The following ELAPOR1 variants were observed in gnomAD, a reference collection of about 807,000 sequenced individuals.
ELAPOR1 encodes the protein endosome-lysosome associated apoptosis and autophagy regulator 1.
ELAPOR1 carries 77 observed loss-of-function variants against 119.7 expected under a neutral mutation model. That is an observed-to-expected ratio of 0.64 (90% CI 0.54 to 0.78). The LOEUF is 0.78. Among genes scored for constraint, ELAPOR1 ranks in the 30% least tolerant of loss-of-function variants. The probability of loss-of-function intolerance (pLI) is 0.00; values close to 1 mark genes in which losing one functional copy is unlikely to be tolerated. For synonymous variants in ELAPOR1, 481 were observed against 487.2 expected (o/e 0.99, Z 0.17); for missense variants, 1,115 against 1,270.4 (o/e 0.88, Z 1.86).
intron 1 of ELAPOR1, among the ~76,000 whole-genome samples, chr1:109,134,953 T>C (rs1434965719): frequency 6.6e-6 from 1 of 152,064 alleles, no homozygotes; most frequent in Non-Finnish European, 1.5e-5. Flanking sequence ...AATCATGGGA[T>C]CATGTAATTT....
chr1:109,119,199 ATTT>A (rs577249345), intron 1 of ELAPOR1, among the ~76,000 whole-genome samples: 2 of 119,624 alleles, frequency 1.7e-5, no homozygotes, highest in Non-Finnish European at 1.8e-5. Flanking sequence ...ACCTGGCCTA[ATTT>A]TTTTTTTTTT....
chr1:109,201,441 A>C, intron 21 of ELAPOR1: 1 of 443,324 alleles, frequency 2.3e-6, no homozygotes, highest in Non-Finnish European at 4.6e-6. Context: ...TTATAAATGC[A>C]ATACAGACAA....
chr1:109,179,043 C>T (rs1652532595), intron 7 of ELAPOR1, among the ~76,000 whole-genome samples: 1 of 151,492 alleles, frequency 6.6e-6, no homozygotes, highest in Non-Finnish European at 1.5e-5. Context: ...GTTTCACTCG[C>T]TAAGATCTGG....
intron 7 of ELAPOR1, 38 bp downstream of exon 7, chr1:109,173,875 G>A (rs61797054): frequency 1.2e-6 from 2 of 1,606,666 alleles, no homozygotes; most frequent in African/African-American, 1.3e-5. Flanking sequence ...TGGGGATAGA[G>A]AGTACCACCA....
chr1:109,188,445 T>C, intron 9 of ELAPOR1, 91 bp downstream of exon 9: 1 of 1,415,938 alleles, frequency 7.1e-7, no homozygotes, highest in African/African-American at 1.4e-5. Flanking sequence ...ATGCAGACTC[T>C]GCCCTTCCAA....
In ELAPOR1 at chr1:109,199,999, G is replaced by A. The variant is rs572866616; in HGVS notation, c.2628+19G>A. On this transcript the variant is annotated intron_variant, in intron 19 of 21. Coordinates refer to ENST00000369939, the MANE Select transcript of ELAPOR1 (RefSeq NM_020775.5). ...GATCCAGGTGGGTTTCCCTCTGATC[G>A]GGCACTTCCATGAGAGAAGGGAATG... is the stretch of plus-strand genomic sequence containing the variant. 12 of 1,613,812 alleles carry A rather than the reference G, an allele frequency of 7.4e-6. No individual in the cohort carries two copies. Among genetic ancestry groups the A allele is most frequent in the East Asian group, 4.5e-5 (2 of 44,874 alleles).
chr1:109,190,627 C>A (rs1653372465), intron 11 of ELAPOR1, among the ~76,000 whole-genome samples: 1 of 152,206 alleles, frequency 6.6e-6, no homozygotes. Flanking sequence ...ATGAATGAAG[C>A]CTGTGTTTGC....
At chr1:109,129,090 T>TA (rs1292842300) in intron 1 of ELAPOR1, among the ~76,000 whole-genome samples, 3 of 152,216 alleles carry the variant, frequency 2.0e-5, no homozygotes, top group Non-Finnish European at 2.9e-5. Context: ...GTCATGTTTT[T>TA]ACCAAATAGT....
chr1:109,132,733 A>G (rs1649225385), intron 1 of ELAPOR1, among the ~76,000 whole-genome samples: 1 of 152,196 alleles, frequency 6.6e-6, no homozygotes, highest in South Asian at 2.1e-4. Context: ...AAGGAAGGCC[A>G]GTGTAATGGG....
At chr1:109,172,858 G>A (rs1207150045) in intron 5 of ELAPOR1, among the ~76,000 whole-genome samples, 1 of 152,170 alleles carries the variant, frequency 6.6e-6, no homozygotes, top group Non-Finnish European at 1.5e-5. Flanking sequence ...ACTTTGGGAG[G>A]TCGAGGCAGG....
In ELAPOR1 at chr1:109,198,190, T is replaced by A. The variant is rs1056471202; in HGVS notation, c.2399+115T>A. ...TTATCAAGCCAGAACATGTCTGAGG[T>A]CTAGCAGATCTGCCCAGTCATGATA... On this transcript the variant is annotated intron_variant, in intron 17 of 21. Transcript: ENST00000369939. The A allele has an allele frequency of 3.8e-6, 3 of 794,400 alleles. No homozygotes were observed. The African/African-American group carries it at 5.0e-5, about 13-fold the overall frequency. The allele number at this position is 794,400 out of a possible 1,614,324, so 49.2% of individuals were successfully genotyped here.
intron 7 of ELAPOR1, among the ~76,000 whole-genome samples, chr1:109,176,010 C>T (rs1399487308): frequency 6.6e-6 from 1 of 152,068 alleles, no homozygotes; most frequent in African/African-American, 2.4e-5. Flanking sequence ...AATCTTTTAT[C>T]AACCTGAGAG....
intron 1 of ELAPOR1, among the ~76,000 whole-genome samples, chr1:109,134,648 G>A (rs1447132981): frequency 6.6e-6 from 1 of 152,122 alleles, no homozygotes; most frequent in African/African-American, 2.4e-5. Flanking sequence ...TGCTTTTGCC[G>A]TTTCTTTCCT....
At chr1:109,126,963 C>T (rs890990661) in intron 1 of ELAPOR1, among the ~76,000 whole-genome samples, 7 of 152,050 alleles carry the variant, frequency 4.6e-5, no homozygotes, top group Admixed American at 1.3e-4. Flanking sequence ...GCAGATGGGC[C>T]GGGTGGAGAA....
At chr1:109,170,628 T>C (rs1054932472) in intron 3 of ELAPOR1, among the ~76,000 whole-genome samples, 5 of 152,116 alleles carry the variant, frequency 3.3e-5, no homozygotes, top group Admixed American at 2.6e-4. Context: ...AGTTGAAGTA[T>C]ATAGAGTGCA....
intron 21 of ELAPOR1, chr1:109,201,243 G>GA (rs1056704055): frequency 1.7e-5 from 8 of 460,334 alleles, no homozygotes; most frequent in Non-Finnish European, 3.0e-5. Context: ...ACTGAAAAGG[G>GA]AAAAGGTGAT....
At chr1:109,147,392 G>A (rs1650240520) in intron 1 of ELAPOR1, among the ~76,000 whole-genome samples, 2 of 152,084 alleles carry the variant, frequency 1.3e-5, no homozygotes, top group African/African-American at 4.8e-5. Flanking sequence ...TCTAGAAAAG[G>A]CAAAACTTTG....
At chr1:109,136,605 G>A (rs555590265) in intron 1 of ELAPOR1, among the ~76,000 whole-genome samples, 131 of 152,298 alleles carry the variant, frequency 8.6e-4, no homozygotes, top group African/African-American at 2.9e-3. Flanking sequence ...GGCACATTGA[G>A]GAGAGGTGAA....
chr1:109,187,973 A>G (rs1653159129), intron 8 of ELAPOR1: 1 of 1,321,470 alleles, frequency 7.6e-7, no homozygotes, highest in Non-Finnish European at 9.7e-7. Context: ...CATTTGGCAG[A>G]TAGTGATTGA....
Sources: gnomAD v4.1 joint callset for allele counts (sites outside exome capture counted in the v4.1 genomes callset) on GRCh38, gnomAD v4.1.1 for gene constraint, MANE v1.5 for transcripts, NCBI Gene and HGNC (gene_info 2026-07-23, HGNC 2026-07-21) for gene names.